The following POLA1 variants were observed in gnomAD, a reference collection of about 807,000 sequenced individuals.
POLA1 encodes DNA polymerase alpha catalytic subunit.
A neutral mutation model predicts 124.0 loss-of-function variants in POLA1; 15 were observed. That is an observed-to-expected ratio of 0.12 (90% CI 0.08 to 0.19). POLA1 has a LOEUF of 0.19. POLA1 is among the 10% of genes least tolerant of loss of function. The pLI, the probability that POLA1 is intolerant of heterozygous loss-of-function variation, is 1.00. For missense variants in POLA1, 886 were observed against 1,103.4 expected (o/e 0.80, Z 2.79); for synonymous variants, 408 against 389.4 (o/e 1.05, Z -0.56).
At position 24,821,517 on chromosome X, in the gene POLA1, C is replaced by A. The variant is rs1442184693; in HGVS notation, c.3495C>A (p.Leu1165=). Residue 1165 remains leucine, a synonymous_variant, in exon 31 of 37, where the codon CTC becomes CTA. Transcript: ENST00000379068. ...KKSLPHVHVA[L]WINSQGGRKV... ...GCCTACCTCATGTACATGTTGCCCT[C>A]TGGATAAATTCTCAAGGAGGCAGAA... 1 of 1,201,268 alleles carries A rather than the reference C, an allele frequency of 8.3e-7. No individual in the cohort carries two copies. Among genetic ancestry groups the A allele is most frequent in the Admixed American group, 2.2e-5 (1 of 46,018 alleles).
At chrX:24,753,860 G>A (rs967278755) in intron 26 of POLA1, among the ~76,000 whole-genome samples, 4 of 112,302 alleles carry the variant, frequency 3.6e-5, no homozygotes, top group African/African-American at 6.5e-5. Flanking sequence ...ATGCTCTGAT[G>A]TTTAGGTATA....
chrX:24,783,226 G>T (rs2045298709), intron 26 of POLA1, among the ~76,000 whole-genome samples: 1 of 111,582 alleles, frequency 9.0e-6, no homozygotes, highest in South Asian at 3.8e-4. Flanking sequence ...TGGTATCACT[G>T]TCCATATATC....
At chrX:24,955,147 TG>T (rs1390039100) in intron 36 of POLA1, among the ~76,000 whole-genome samples, 1 of 109,816 alleles carries the variant, frequency 9.1e-6, no homozygotes, top group Non-Finnish European at 1.9e-5. Context: ...TTTTTCTCTT[TG>T]TTTTTGGTTT....
At chrX:24,755,244 G>A (rs1444716407) in intron 26 of POLA1, among the ~76,000 whole-genome samples, 1 of 112,124 alleles carries the variant, frequency 8.9e-6, no homozygotes, top group Non-Finnish European at 1.9e-5. Context: ...AATTGGAAAG[G>A]ATTTTGATAT....
chrX:24,812,137 C>G (rs1029781308), intron 28 of POLA1, among the ~76,000 whole-genome samples: 2 of 112,518 alleles, frequency 1.8e-5, no homozygotes, highest in East Asian at 5.6e-4. Flanking sequence ...TGCCTTGACC[C>G]TGTCAGAAAG....
At chrX:24,913,180 T>TA (rs1399158132) in intron 35 of POLA1, among the ~76,000 whole-genome samples, 1 of 112,386 alleles carries the variant, frequency 8.9e-6, no homozygotes, top group African/African-American at 3.2e-5. Flanking sequence ...GTACTACTGA[T>TA]ACACCCAACA....
intron 35 of POLA1, among the ~76,000 whole-genome samples, chrX:24,908,244 A>T (rs2047394879): frequency 9.1e-6 from 1 of 110,476 alleles, no homozygotes; most frequent in South Asian, 3.9e-4. Context: ...ACTTTCGTGT[A>T]ATTTCTTTTT....
chrX:24,940,656 C>T (rs1452226313), intron 36 of POLA1, among the ~76,000 whole-genome samples: 1 of 112,137 alleles, frequency 8.9e-6, no homozygotes, highest in Non-Finnish European at 1.9e-5. Flanking sequence ...TGTATTGAAA[C>T]AGCCACTTAA....
chrX:24,697,964 T>TA (rs1928133397), intron 1 of POLA1, among the ~76,000 whole-genome samples: 2 of 107,156 alleles, frequency 1.9e-5, no homozygotes, highest in South Asian at 8.4e-4. Context: ...TTTTTTGAGA[T>TA]AGAGTCTCGC....
intron 24 of POLA1, among the ~76,000 whole-genome samples, chrX:24,746,023 C>G (rs1300003254): frequency 9.0e-6 from 1 of 111,325 alleles, no homozygotes; most frequent in Non-Finnish European, 1.9e-5. Context: ...TAGGTGTATA[C>G]ACATACACCA....
At chrX:24,753,043 T>C (rs1009564078) in intron 26 of POLA1, among the ~76,000 whole-genome samples, 3 of 110,444 alleles carry the variant, frequency 2.7e-5, no homozygotes, top group Non-Finnish European at 5.7e-5. Flanking sequence ...ATGGAATCTC[T>C]CTCTGTTGCC....
chrX:24,946,118 G>C (rs936651839), intron 36 of POLA1, among the ~76,000 whole-genome samples: 2 of 111,207 alleles, frequency 1.8e-5, no homozygotes, highest in Non-Finnish European at 3.8e-5. Flanking sequence ...TAGGTAACTG[G>C]GGAGATATTA....
At chrX:24,780,793 T>G in intron 26 of POLA1, among the ~76,000 whole-genome samples, 1 of 112,222 alleles carries the variant, frequency 8.9e-6, no homozygotes. Flanking sequence ...TTTGTCAGTC[T>G]TGGTCAGACT....
At chrX:24,830,351 ATG>A (rs1218148586) in intron 32 of POLA1, among the ~76,000 whole-genome samples, 1 of 111,582 alleles carries the variant, frequency 9.0e-6, no homozygotes, top group Non-Finnish European at 1.9e-5. Context: ...GGTGTTCCGT[ATG>A]GGGAGACCAT....
intron 36 of POLA1, among the ~76,000 whole-genome samples, chrX:24,958,549 T>A (rs758824954): frequency 8.9e-6 from 1 of 112,603 alleles, no homozygotes; most frequent in Non-Finnish European, 1.9e-5. Flanking sequence ...TGTACGTCCT[T>A]TGTATCATAG....
At chrX:24,931,165 T>C (rs1024673977) in intron 36 of POLA1, among the ~76,000 whole-genome samples, 1 of 108,365 alleles carries the variant, frequency 9.2e-6, no homozygotes, top group African/African-American at 3.4e-5. Context: ...GAAAATGTCA[T>C]GACAACTGCA....
chrX:24,986,390 T>C (rs933067816), intron 36 of POLA1, among the ~76,000 whole-genome samples: 9 of 110,803 alleles, frequency 8.1e-5, no homozygotes, highest in Non-Finnish European at 1.7e-4. Context: ...TTTCAAGATA[T>C]GTGAGTTCAA....
chrX:24,768,381 A>G (rs1932958964), intron 26 of POLA1, among the ~76,000 whole-genome samples: 1 of 111,805 alleles, frequency 8.9e-6, no homozygotes, highest in Non-Finnish European at 1.9e-5. Flanking sequence ...TGTCGTATGT[A>G]TTTTGTGGAA....
At chrX:24,786,203 CTGAT>C (rs1276960412) in intron 26 of POLA1, among the ~76,000 whole-genome samples, 1 of 112,406 alleles carries the variant, frequency 8.9e-6, no homozygotes, top group East Asian at 2.8e-4. Context: ...TTCAAGATAA[CTGAT>C]TTCATTTCCT....
Sources: gnomAD v4.1 joint callset for allele counts (sites outside exome capture counted in the v4.1 genomes callset) on GRCh38, gnomAD v4.1.1 for gene constraint, MANE v1.5 for transcripts, NCBI Gene and HGNC (gene_info 2026-07-23, HGNC 2026-07-21) for gene names.